The following INPP4B variants were observed in gnomAD, a reference collection of about 807,000 sequenced individuals.
The protein encoded by INPP4B is inositol polyphosphate 4-phosphatase type II.
Under a neutral mutation model 122.5 loss-of-function variants are expected in INPP4B, and 55 were observed. The observed-to-expected ratio is 0.45, with a 90% CI of 0.36 to 0.56. INPP4B has a LOEUF of 0.56. Among genes scored for constraint, INPP4B ranks in the 20% least tolerant of loss-of-function variants. The pLI, the probability that INPP4B is intolerant of heterozygous loss-of-function variation, is 0.00. For synonymous variants in INPP4B, 403 were observed against 388.7 expected (o/e 1.04, Z -0.43); for missense variants, 1,000 against 1,097.7 (o/e 0.91, Z 1.26).
intron 9 of INPP4B, among the ~76,000 whole-genome samples, chr4:142,283,483 T>C (rs1752137635): frequency 6.6e-6 from 1 of 152,156 alleles, no homozygotes; most frequent in South Asian, 2.1e-4. Flanking sequence ...TTAGGCAATT[T>C]TGTCCTTGTG....
At chr4:142,747,024 G>A (rs1580824176) in intron 1 of INPP4B, among the ~76,000 whole-genome samples, 1 of 152,094 alleles carries the variant, frequency 6.6e-6, no homozygotes, top group African/African-American at 2.4e-5. Context: ...TGAAAAATGG[G>A]ATCTAATTAA....
At chr4:142,129,042 A>C (rs1561223242) in intron 18 of INPP4B, among the ~76,000 whole-genome samples, 2 of 152,222 alleles carry the variant, frequency 1.3e-5, no homozygotes, top group South Asian at 4.1e-4. Context: ...CACAGAAAAA[A>C]GGAAAAGTAA....
At chr4:142,071,013 G>T (rs1766932664) in intron 25 of INPP4B, among the ~76,000 whole-genome samples, 1 of 152,118 alleles carries the variant, frequency 6.6e-6, no homozygotes, top group Non-Finnish European at 1.5e-5. Context: ...AACCAAATAA[G>T]AGCCTGCATT....
At chr4:142,638,157 A>G (rs929848669) in intron 2 of INPP4B, among the ~76,000 whole-genome samples, 2 of 152,088 alleles carry the variant, frequency 1.3e-5, no homozygotes, top group African/African-American at 4.8e-5. Context: ...TTGTCTTCTC[A>G]TTCTCTTGAC....
chr4:142,127,309 T>G (rs1799061691), intron 18 of INPP4B, among the ~76,000 whole-genome samples: 1 of 152,166 alleles, frequency 6.6e-6, no homozygotes, highest in Admixed American at 6.6e-5. Flanking sequence ...TGCAAGACAT[T>G]AAGTGACAAT....
chr4:142,613,018 C>T (rs766548940), intron 2 of INPP4B, among the ~76,000 whole-genome samples: 25 of 152,112 alleles, frequency 1.6e-4, no homozygotes, highest in Non-Finnish European at 2.8e-4. Context: ...GGAAGCATGG[C>T]CTTTTTTCTC....
chr4:142,733,117 A>C (rs918543979), intron 1 of INPP4B, among the ~76,000 whole-genome samples: 1 of 152,166 alleles, frequency 6.6e-6, no homozygotes, highest in African/African-American at 2.4e-5. Context: ...ATTACATATC[A>C]ATTTGTGGGG....
chr4:142,387,030 T>A (rs1160048351), intron 7 of INPP4B, among the ~76,000 whole-genome samples: 1 of 152,094 alleles, frequency 6.6e-6, no homozygotes, highest in Non-Finnish European at 1.5e-5. Flanking sequence ...TTTGAGCAAA[T>A]TTTTGTTCCA....
intron 23 of INPP4B, among the ~76,000 whole-genome samples, chr4:142,088,230 T>C (rs1777767017): frequency 6.6e-6 from 1 of 152,122 alleles, no homozygotes; most frequent in Non-Finnish European, 1.5e-5. Context: ...AGACCAGGAC[T>C]TGGTGGCTAA....
intron 16 of INPP4B, among the ~76,000 whole-genome samples, chr4:142,161,883 G>A (rs753562408): frequency 1.6e-4 from 24 of 151,728 alleles, no homozygotes; most frequent in African/African-American, 2.2e-4. Flanking sequence ...GGAATACTGC[G>A]TATTGGCAGC....
chr4:142,076,586 A>T (rs987169623), intron 25 of INPP4B, among the ~76,000 whole-genome samples: 1 of 152,044 alleles, frequency 6.6e-6, no homozygotes, highest in Non-Finnish European at 1.5e-5. Context: ...AGGAGACAAT[A>T]CTTAGCAATC....
At chr4:142,669,943 T>C (rs1432944093) in intron 2 of INPP4B, among the ~76,000 whole-genome samples, 2 of 152,172 alleles carry the variant, frequency 1.3e-5, no homozygotes, top group Non-Finnish European at 2.9e-5. Flanking sequence ...CTCAAAAAAT[T>C]TGAAGATACA....
chr4:142,337,735 T>G (rs1383280057), intron 7 of INPP4B, among the ~76,000 whole-genome samples: 4 of 75,402 alleles, frequency 5.3e-5, no homozygotes, highest in African/African-American at 2.5e-4. Flanking sequence ...TTTATATATA[T>G]TTATATATAT....
chr4:142,512,552 T>C (rs1046174722), intron 2 of INPP4B, among the ~76,000 whole-genome samples: 3 of 152,178 alleles, frequency 2.0e-5, no homozygotes, highest in Non-Finnish European at 4.4e-5. Context: ...ACATTACTAC[T>C]TGAGCTTGGG....
rs140286389 is a variant in INPP4B, at chr4:142,167,923, G to C, written c.1359+5709C>G. 1.8e-3 allele frequency among the ~76,000 whole-genome samples: 264 copies of C among 150,746 alleles called. 1 individual carries two copies. Among genetic ancestry groups the C allele is most frequent in the African/African-American group, 6.0e-3 (247 of 41,230 alleles). On this transcript the variant is annotated intron_variant, in intron 16 of 25. Coordinates refer to ENST00000262992, the MANE Select transcript of INPP4B (RefSeq NM_001101669.3). ...TTATGAAATTTCTCAGCTTTTGTTT[G>C]CCTGAACTCGTCTCCATTTCACCTT... is the stretch of plus-strand genomic sequence containing the variant.
chr4:142,402,518 A>G (rs1191655346), intron 7 of INPP4B, among the ~76,000 whole-genome samples: 1 of 152,194 alleles, frequency 6.6e-6, no homozygotes, highest in African/African-American at 2.4e-5. Flanking sequence ...ATCAAGAAAA[A>G]TGTAGTCAGT....
At chr4:142,696,711 C>T (rs1054151688) in intron 2 of INPP4B, among the ~76,000 whole-genome samples, 2 of 152,292 alleles carry the variant, frequency 1.3e-5, no homozygotes, top group African/African-American at 2.4e-5. Flanking sequence ...ACACAGCCAT[C>T]GACTTCTGAT....
intron 2 of INPP4B, among the ~76,000 whole-genome samples, chr4:142,718,322 T>C (rs936458651): frequency 6.6e-5 from 10 of 152,224 alleles, no homozygotes; most frequent in Non-Finnish European, 1.0e-4. Flanking sequence ...TTTTTAAGTG[T>C]AGTTAAAACA....
chr4:142,537,423 TATATATAGAGAGAGAGAGAGAG>T (rs1335130763), intron 2 of INPP4B, among the ~76,000 whole-genome samples: 118 of 48,014 alleles, frequency 2.5e-3, no homozygotes, highest in Admixed American at 3.9e-3. Flanking sequence ...TATATATATA[TATATATAGAGAGAGAGAGAGAG>T]AGAGAGAGAG....
Sources: gnomAD v4.1 joint callset for allele counts (sites outside exome capture counted in the v4.1 genomes callset) on GRCh38, gnomAD v4.1.1 for gene constraint, MANE v1.5 for transcripts, NCBI Gene and HGNC (gene_info 2026-07-23, HGNC 2026-07-21) for gene names.